Variants in CLIC1 observed in about 807,000 individuals in gnomAD.
The protein encoded by CLIC1 is chloride intracellular channel protein 1.
A neutral mutation model predicts 26.4 loss-of-function variants in CLIC1; 16 were observed. The observed-to-expected ratio is 0.61, with a 90% CI of 0.41 to 0.92. The LOEUF (loss-of-function observed/expected upper bound fraction) is 0.92, where lower values mean the gene tolerates loss of function less well. CLIC1 is among the 40% of genes least tolerant of loss of function. The probability of loss-of-function intolerance (pLI) is 0.00; values close to 1 mark genes in which losing one functional copy is unlikely to be tolerated. For missense variants in CLIC1, 225 were observed against 289.7 expected, an observed-to-expected ratio of 0.78 and a Z score of 1.62; for synonymous variants, 98 against 120.8, an observed-to-expected ratio of 0.81 and a Z score of 1.24.
Position 31,736,156 on chromosome 6 carries a change from G to A in CLIC1, c.39+106C>T. On this transcript the variant is annotated intron_variant, in intron 1 of 5. Transcript: ENST00000375784. The surrounding 1 kb of genome is among the most constrained non-coding windows in gnomAD (Gnocchi z 5.0). Reference sequence around the variant, plus strand: ...ACCAAAGAGTGCACGTGGGATTGGGGGTGGGAGTCAAGGAGGGAAGGGATT... The same window carrying A: ...ACCAAAGAGTGCACGTGGGATTGGGAGTGGGAGTCAAGGAGGGAAGGGATT... The A allele has an allele frequency of 1.7e-6, 2 of 1,151,626 alleles. No homozygotes were observed. Among genetic ancestry groups the A allele is most frequent in the East Asian group, 2.4e-5 (1 of 42,218 alleles). 71.3% of individuals were successfully genotyped at this position (1,151,626 alleles called of 1,614,324 possible). A position where few individuals can be genotyped will look rare whatever the true frequency, so the allele number is the denominator to read the frequency against.
Position 31,734,271 on chromosome 6 carries a change from GT to G in CLIC1, c.40-9del. ...GGCCCCATCACTGCCAGCCTGAAAA[GT>G]AACCCCAACCCAAGGTTATGCCTGA... On this transcript the variant is annotated splice_polypyrimidine_tract_variant and intron_variant, in intron 1 of 5. Transcript: ENST00000375784. This position sits in a 1 kb window ranked among gnomAD's most constrained non-coding sequence, Gnocchi z 5.3. 2 of 1,611,726 alleles carry G rather than the reference GT, an allele frequency of 1.2e-6. No individual in the cohort carries two copies. The highest frequency in any genetic ancestry group is 1.7e-6 in the Non-Finnish European group (2 of 1,177,990).
At position 31,732,151 on chromosome 6, in the gene CLIC1, C is replaced by A; in HGVS notation, c.564+66G>T. 2.3e-6 allele frequency: 3 copies of A among 1,277,116 alleles called. No individual in the cohort carries two copies. The highest frequency in any genetic ancestry group is 3.1e-6 in the Non-Finnish European group (3 of 973,546). The allele number at this position is 1,277,116 out of a possible 1,614,324, so 79.1% of individuals were successfully genotyped here. A position where few individuals can be genotyped will look rare whatever the true frequency, so the allele number is the denominator to read the frequency against. ...TCTTTAGAGTGGTTGTCAGGGGAAG[C>A]CCATGTGGGAGCTCCTTAAAGGGCC... is the stretch of plus-strand genomic sequence containing the variant. On this transcript the variant is annotated intron_variant, in intron 5 of 5. Coordinates refer to ENST00000375784, the Ensembl canonical transcript of CLIC1. The surrounding 1 kb of genome is among the most constrained non-coding windows in gnomAD (Gnocchi z 5.0).
Position 31,735,108 on chromosome 6 carries a change from C to T in CLIC1, c.40-845G>A, listed in dbSNP as rs58280697. ...GGCGGACCCAAGCAGGCTCCGACTTCCCTGGGCCCAGGGAGAGGGAATGGC... is the reference window on the plus strand; with the variant it reads ...GGCGGACCCAAGCAGGCTCCGACTTTCCTGGGCCCAGGGAGAGGGAATGGC... On this transcript the variant is annotated intron_variant, in intron 1 of 5. Transcript: ENST00000375784. Among the ~76,000 whole-genome samples the T allele has an allele frequency of 1.2e-3, 180 of 151,328 alleles. 1 individual carries two copies. Among genetic ancestry groups the T allele is most frequent in the African/African-American group, 4.2e-3 (174 of 41,188 alleles).
chr6:31,736,612 A>G, upstream of CLIC1: 1 of 1,261,848 alleles, frequency 7.9e-7, no homozygotes, highest in Middle Eastern at 3.1e-4. The surrounding 1 kb of genome is among the most constrained non-coding windows in gnomAD (Gnocchi z 5.0). Flanking sequence ...GTAGGGAGTG[A>G]GTCCGGAAGG....
rs1808093049 is a variant in CLIC1 at position 31,733,148 on chromosome 6, C to T, written c.382+418G>A. On this transcript the variant is annotated intron_variant, in intron 4 of 5. Coordinates refer to ENST00000375784, the Ensembl canonical transcript of CLIC1. The surrounding 1 kb of genome is among the most constrained non-coding windows in gnomAD (Gnocchi z 5.4). ...AAAAAAGAAAAAAAAAAATTTATAT[C>T]AACCCATGAAATAGGTATTGTCATC... 6.6e-6 allele frequency among the ~76,000 whole-genome samples: 1 copy of T among 151,756 alleles called. No homozygotes were observed. The highest frequency in any genetic ancestry group is 1.5e-5 in the Non-Finnish European group (1 of 67,918).
In CLIC1 at chr6:31,736,127, C is replaced by T. The variant is rs186088430; in HGVS notation, c.39+135G>A. 3,753 of 867,834 alleles carry T rather than the reference C, an allele frequency of 4.3e-3. 33 individuals carry two copies. Among genetic ancestry groups the T allele is most frequent in the Non-Finnish European group, 3.0e-3 (1,606 of 531,002 alleles). The allele number at this position is 867,834 out of a possible 1,614,324, so 53.8% of individuals were successfully genotyped here. A position where few individuals can be genotyped will look rare whatever the true frequency, so the allele number is the denominator to read the frequency against. ...ATGTCTTCCCCTCTCAAAACCACCC[C>T]TCAACCAAAGAGTGCACGTGGGATT... On this transcript the variant is annotated intron_variant, in intron 1 of 5. Coordinates refer to ENST00000375784, the Ensembl canonical transcript of CLIC1. The surrounding 1 kb of genome is among the most constrained non-coding windows in gnomAD (Gnocchi z 5.0).
At chr6:31,735,962 C>T (rs766953725) in intron 1 of CLIC1, among the ~76,000 whole-genome samples, 2 of 152,114 alleles carry the variant, frequency 1.3e-5, no homozygotes, top group Non-Finnish European at 2.9e-5. Flanking sequence ...TTCACCAGCT[C>T]GCCCTCTAAC....
chr6:31,736,479 G>A lies in CLIC1; in HGVS notation c.-179C>T. The A allele has an allele frequency of 1.4e-6, 2 of 1,412,462 alleles. No individual in the cohort carries two copies. Among genetic ancestry groups the A allele is most frequent in the Non-Finnish European group, 1.8e-6 (2 of 1,081,236 alleles). The allele number at this position is 1,412,462 out of a possible 1,614,324, so 87.5% of individuals were successfully genotyped here. On this transcript the variant is annotated 5_prime_UTR_variant, in exon 1 of 6. Coordinates refer to ENST00000375784, the Ensembl canonical transcript of CLIC1. This position sits in a 1 kb window ranked among gnomAD's most constrained non-coding sequence, Gnocchi z 5.0. ...AACTAGGCCTCCCCACCAGCCCAACGCACCCCACACCCAGCTCCTCCAGCT... is the reference window on the plus strand; with the variant it reads ...AACTAGGCCTCCCCACCAGCCCAACACACCCCACACCCAGCTCCTCCAGCT...
chr6:31,734,301 AC>A lies in CLIC1; in HGVS notation c.40-39del. ...CCCAACCCAAGGTTATGCCTGATGCACCCCACCCATCCCTAGGCCAGTCCCT... is the reference window on the plus strand; with the variant it reads ...CCCAACCCAAGGTTATGCCTGATGCACCCACCCATCCCTAGGCCAGTCCCT... On this transcript the variant is annotated intron_variant, in intron 1 of 5. Transcript: ENST00000375784. This position sits in a 1 kb window ranked among gnomAD's most constrained non-coding sequence, Gnocchi z 5.3. 1.3e-6 allele frequency: 2 copies of A among 1,508,428 alleles called. No individual in the cohort carries two copies. The highest frequency in any genetic ancestry group is 1.7e-5 in the Admixed American group (1 of 58,586). The allele number at this position is 1,508,428 out of a possible 1,614,324, so 93.4% of individuals were successfully genotyped here.
rs148495237 is a variant in CLIC1, at chr6:31,733,293, T to G, written c.382+273A>C. ...CTAGAGTGATGACTGTTCTTAAGCA[T>G]GACCCTATTCTGCCAGAAAACAGGC... On this transcript the variant is annotated intron_variant, in intron 4 of 5. Coordinates refer to ENST00000375784, the Ensembl canonical transcript of CLIC1. This position sits in a 1 kb window ranked among gnomAD's most constrained non-coding sequence, Gnocchi z 5.4. 6.7e-4 allele frequency among the ~76,000 whole-genome samples: 102 copies of G among 152,250 alleles called. No homozygotes were observed. The highest frequency in any genetic ancestry group is 2.3e-3 in the African/African-American group (96 of 41,542).
upstream of CLIC1, chr6:31,736,569 G>A: frequency 7.5e-7 from 1 of 1,339,564 alleles, no homozygotes; most frequent in Non-Finnish European, 9.6e-7. This position sits in a 1 kb window ranked among gnomAD's most constrained non-coding sequence, Gnocchi z 5.0. Context: ...CTGAACCTGG[G>A]GAGGGGACTG....
rs1808202022 is a variant in CLIC1 at position 31,734,437 on chromosome 6, T to C, written c.40-174A>G. On this transcript the variant is annotated intron_variant, in intron 1 of 5. Coordinates refer to ENST00000375784, the Ensembl canonical transcript of CLIC1. The surrounding 1 kb of genome is among the most constrained non-coding windows in gnomAD (Gnocchi z 5.3). ...CTGGGTCAAACCTAAGGCAGATCAA[T>C]GGGAAACTGTTTTGCAAAGGCAGGC... 6.6e-6 allele frequency among the ~76,000 whole-genome samples: 1 copy of C among 152,222 alleles called. No individual in the cohort carries two copies. Among genetic ancestry groups the C allele is most frequent in the Admixed American group, 6.5e-5 (1 of 15,284 alleles).
Position 31,733,498 on chromosome 6 carries a change from A to T in CLIC1, c.382+68T>A. 8.9e-7 allele frequency: 1 copy of T among 1,123,870 alleles called. No individual in the cohort carries two copies. Among genetic ancestry groups the T allele is most frequent in the Non-Finnish European group, 1.3e-6 (1 of 741,434 alleles). The allele number at this position is 1,123,870 out of a possible 1,614,324, so 69.6% of individuals were successfully genotyped here. The stretch of plus-strand genomic sequence containing the variant: ...GATATCTGAACGTCCAGGTGCCCCT[A>T]ATGTCTCCTACCCGCTGGGTCCTCT... On this transcript the variant is annotated intron_variant, in intron 4 of 5. Coordinates refer to ENST00000375784, the Ensembl canonical transcript of CLIC1. The surrounding 1 kb of genome is among the most constrained non-coding windows in gnomAD (Gnocchi z 5.4).
At chr6:31,736,671 G>T, upstream of CLIC1, 1 of 1,086,246 alleles carries the variant, frequency 9.2e-7, no homozygotes, top group Non-Finnish European at 1.1e-6. The surrounding 1 kb of genome is among the most constrained non-coding windows in gnomAD (Gnocchi z 5.0). Context: ...TTAAGGAGGA[G>T]TCCTGAAAAC....
At position 31,733,435 on chromosome 6, in the gene CLIC1, A is replaced by C. The variant is rs1194264810; in HGVS notation, c.382+131T>G. On this transcript the variant is annotated intron_variant, in intron 4 of 5. Coordinates refer to ENST00000375784, the Ensembl canonical transcript of CLIC1. The surrounding 1 kb of genome is among the most constrained non-coding windows in gnomAD (Gnocchi z 5.4). ...ATATAGAGGTAAAGCAAAAATGGGA[A>C]GCTGGGGGAAATTTACGAACATCTG... The C allele has an allele frequency of 1.5e-6, 1 of 665,626 alleles. No individual in the cohort carries two copies. The highest frequency in any genetic ancestry group is 1.8e-5 in the African/African-American group (1 of 55,134). 41.2% of individuals were successfully genotyped at this position (665,626 alleles called of 1,614,324 possible).
chr6:31,730,668 C>A lies in CLIC1; in HGVS notation c.*174G>T, dbSNP rs1807845800. The A allele has an allele frequency of 1.6e-6, 1 of 633,574 alleles. No individual in the cohort carries two copies. 39.2% of individuals were successfully genotyped at this position (633,574 alleles called of 1,614,324 possible). A position where few individuals can be genotyped will look rare whatever the true frequency, so the allele number is the denominator to read the frequency against. On this transcript the variant is annotated 3_prime_UTR_variant, in exon 6 of 6. Coordinates refer to ENST00000375784, the Ensembl canonical transcript of CLIC1. This position sits in a 1 kb window ranked among gnomAD's most constrained non-coding sequence, Gnocchi z 5.1. ...CCCACCCCACAATAAAAATCTGACC[C>A]AGGCCCCCCATTTCTTTCCCTCATC...
chr6:31,736,981 A>G, upstream of CLIC1: 2 of 984,562 alleles, frequency 2.0e-6, no homozygotes, highest in Non-Finnish European at 2.4e-6. This position sits in a 1 kb window ranked among gnomAD's most constrained non-coding sequence, Gnocchi z 5.0. Context: ...GCAGCCTGGG[A>G]TTAGGGAAGG....
At chr6:31,731,452 C>T (rs543406054) in intron 5 of CLIC1, among the ~76,000 whole-genome samples, 1 of 152,274 alleles carries the variant, frequency 6.6e-6, no homozygotes, top group African/African-American at 2.4e-5. Flanking sequence ...CAGGTGCCCA[C>T]CACCATGTGC....
At chr6:31,735,847 A>ACACACACT in intron 1 of CLIC1, among the ~76,000 whole-genome samples, 1 of 149,830 alleles carries the variant, frequency 6.7e-6, no homozygotes, top group South Asian at 2.1e-4. Context: ...ACACACACAC[A>ACACACACT]CACCTCTCCT....
Sources: allele counts gnomAD v4.1 joint callset (sites outside exome capture counted in the v4.1 genomes callset), GRCh38; gene constraint gnomAD v4.1.1; non-coding constraint Gnocchi (gnomAD v3.1); transcripts MANE v1.5; gene names NCBI Gene and HGNC (gene_info 2026-07-23, HGNC 2026-07-21).